The following MRAS variants were observed in gnomAD, a reference collection of about 807,000 sequenced individuals.
MRAS encodes the protein ras-related protein M-Ras.
Under a neutral mutation model 20.9 loss-of-function variants are expected in MRAS, and 4 were observed. The ratio of observed to expected loss-of-function variants is 0.19; its 90% CI spans 0.09 to 0.44. The LOEUF (loss-of-function observed/expected upper bound fraction) is 0.44. Ranked by LOEUF, MRAS falls within the 20% of genes least tolerant of loss-of-function variation. The pLI, the probability that MRAS is intolerant of heterozygous loss-of-function variation, is 0.99. For missense variants in MRAS, 154 were observed against 277.5 expected, an observed-to-expected ratio of 0.56 and a Z score of 3.16; for synonymous variants, 98 against 102.9, an observed-to-expected ratio of 0.95 and a Z score of 0.29.
intron 1 of MRAS, among the ~76,000 whole-genome samples, chr3:138,372,076 G>T (rs1029279444): frequency 5.3e-5 from 8 of 152,034 alleles, no homozygotes; most frequent in African/African-American, 1.7e-4. Context: ...TCACTGGGGG[G>T]GACTGCCCTG....
intron 1 of MRAS, among the ~76,000 whole-genome samples, chr3:138,363,833 C>T (rs906551419): frequency 8.0e-6 from 1 of 124,456 alleles, no homozygotes; most frequent in African/African-American, 3.0e-5. Context: ...CCCCCCCCCC[C>T]CAAACCACAG....
intron 3 of MRAS, among the ~76,000 whole-genome samples, chr3:138,397,683 G>A (rs2055270044): frequency 6.6e-6 from 1 of 152,122 alleles, no homozygotes; most frequent in African/African-American, 2.4e-5. Flanking sequence ...GCTATGTAAT[G>A]AAAATAAAAG....
chr3:138,390,434 G>C (rs2055108192), intron 2 of MRAS, among the ~76,000 whole-genome samples: 1 of 152,062 alleles, frequency 6.6e-6, no homozygotes, highest in Non-Finnish European at 1.5e-5. Flanking sequence ...CTATCTGTCT[G>C]TCTCTCTCTC....
intron 2 of MRAS, 142 bp downstream of exon 2, chr3:138,373,218 C>A: frequency 1.2e-6 from 1 of 820,426 alleles, no homozygotes; most frequent in Non-Finnish European, 1.7e-6. Context: ...GTGTCGTTTT[C>A]AGGGTGAATT....
rs1028457555 is a variant in MRAS at position 138,403,826 on chromosome 3, G to C, written c.*1557G>C. On this transcript the variant is annotated 3_prime_UTR_variant, in exon 6 of 6. Transcript: ENST00000423968. ...ATGCAAACTAGAATATCCTCAGCAG[G>C]TGGCCTGGCCACTCTGGAGAAAGAA... The C allele has an allele frequency of 2.0e-5, 3 of 152,452 alleles. No individual in the cohort carries two copies. Among genetic ancestry groups the C allele is most frequent in the Admixed American group, 1.3e-4 (2 of 15,282 alleles). 9.4% of individuals were successfully genotyped at this position (152,452 alleles called of 1,614,324 possible).
At chr3:138,374,927 G>C (rs993442941) in intron 2 of MRAS, among the ~76,000 whole-genome samples, 1 of 152,126 alleles carries the variant, frequency 6.6e-6, no homozygotes, top group Non-Finnish European at 1.5e-5. Flanking sequence ...TGTCACCCAG[G>C]CTGGAGCACA....
At position 138,403,565 on chromosome 3, in the gene MRAS, G is replaced by A. The variant is rs1366330959; in HGVS notation, c.*1296G>A. ...TGATCTGAGAAGTAAGGAAGGCTGG[G>A]CTGATGTGTGGCTCTCATATACCTT... On this transcript the variant is annotated 3_prime_UTR_variant, in exon 6 of 6. Coordinates refer to ENST00000423968, the MANE Select transcript of MRAS (RefSeq NM_001085049.3). 1.3e-5 allele frequency: 2 copies of A among 152,648 alleles called. No homozygotes were observed. Among genetic ancestry groups the A allele is most frequent in the Non-Finnish European group, 2.9e-5 (2 of 68,056 alleles). 9.5% of individuals were successfully genotyped at this position (152,648 alleles called of 1,614,324 possible). A position where few individuals can be genotyped will look rare whatever the true frequency, so the allele number is the denominator to read the frequency against.
chr3:138,374,058 A>G (rs1357323245), intron 2 of MRAS, among the ~76,000 whole-genome samples: 1 of 152,096 alleles, frequency 6.6e-6, no homozygotes, highest in African/African-American at 2.4e-5. Context: ...TCTCGGGTTC[A>G]AGCAAATCTC....
chr3:138,369,510 G>T (rs2054631461), intron 1 of MRAS, among the ~76,000 whole-genome samples: 1 of 152,168 alleles, frequency 6.6e-6, no homozygotes, highest in South Asian at 2.1e-4. Context: ...GGCTGGAGAG[G>T]TCAGCAGTGG....
intron 2 of MRAS, among the ~76,000 whole-genome samples, chr3:138,384,484 G>T (rs2054969728): frequency 6.6e-6 from 1 of 152,184 alleles, no homozygotes; most frequent in Non-Finnish European, 1.5e-5. Context: ...AGAGTCTTTG[G>T]CCTGAAGAAC....
intron 2 of MRAS, among the ~76,000 whole-genome samples, chr3:138,376,683 T>C (rs2347252): frequency 0.13 from 20,317 of 152,214 alleles, 1,424 homozygotes; most frequent in Non-Finnish European, 0.16. Context: ...GCATCACCTA[T>C]TGGAATATAT....
chr3:138,354,054 G>A (rs141116922), intron 1 of MRAS, among the ~76,000 whole-genome samples: 2 of 152,304 alleles, frequency 1.3e-5, no homozygotes, highest in African/African-American at 4.8e-5. Flanking sequence ...AGTGCAGTGG[G>A]CAAAGGCCTC....
chr3:138,368,116 T>C (rs373279496), intron 1 of MRAS, among the ~76,000 whole-genome samples: 21 of 152,148 alleles, frequency 1.4e-4, no homozygotes, highest in African/African-American at 5.1e-4. Context: ...TCTGCGTGGA[T>C]GGGGCTGCCT....
chr3:138,355,925 C>T (rs1306194388), intron 1 of MRAS, among the ~76,000 whole-genome samples: 1 of 152,156 alleles, frequency 6.6e-6, no homozygotes, highest in African/African-American at 2.4e-5. Context: ...GAGACTCTGT[C>T]TCAAAGAATA....
intron 2 of MRAS, among the ~76,000 whole-genome samples, chr3:138,389,715 T>C (rs1183717509): frequency 6.6e-6 from 1 of 151,856 alleles, no homozygotes; most frequent in Non-Finnish European, 1.5e-5. Flanking sequence ...CTCCTGGACC[T>C]CAATGTCCCC....
intron 5 of MRAS, among the ~76,000 whole-genome samples, chr3:138,401,507 G>A (rs567098113): frequency 1.1e-4 from 16 of 152,334 alleles, no homozygotes; most frequent in East Asian, 3.9e-4. Flanking sequence ...TCATCCAGGC[G>A]TAGTGGCTCA....
intron 2 of MRAS, among the ~76,000 whole-genome samples, chr3:138,378,492 C>T (rs1358305539): frequency 6.6e-6 from 1 of 152,176 alleles, no homozygotes; most frequent in African/African-American, 2.4e-5. Flanking sequence ...GCCCAACCCT[C>T]GGAGCCTCTC....
intron 5 of MRAS, among the ~76,000 whole-genome samples, chr3:138,401,021 C>T (rs1467570360): frequency 2.6e-5 from 4 of 152,182 alleles, no homozygotes; most frequent in African/African-American, 9.6e-5. Flanking sequence ...CCTGAACAAC[C>T]AATATTCTGA....
intron 2 of MRAS, among the ~76,000 whole-genome samples, chr3:138,392,245 C>T (rs2055147375): frequency 6.6e-6 from 1 of 152,182 alleles, no homozygotes; most frequent in Admixed American, 6.5e-5. Flanking sequence ...TCTCATTCTG[C>T]CCCAGAGGCT....
Sources: allele counts gnomAD v4.1 joint callset (sites outside exome capture counted in the v4.1 genomes callset), GRCh38; gene constraint gnomAD v4.1.1; transcripts MANE v1.5; gene names NCBI Gene and HGNC (gene_info 2026-07-23, HGNC 2026-07-21).